Variants in AUH observed in about 807,000 individuals in gnomAD.
AUH encodes the protein AU RNA binding methylglutaconyl-CoA hydratase.
Under a neutral mutation model 42.3 loss-of-function variants are expected in AUH, and 29 were observed. The observed-to-expected ratio is 0.69, with a 90% confidence interval of 0.51 to 0.93. AUH has a LOEUF of 0.93. AUH is among the 40% of genes least tolerant of loss of function. The pLI, the probability that AUH is intolerant of heterozygous loss-of-function variation, is 0.00. For synonymous variants in AUH, 174 were observed against 166.4 expected (o/e 1.05, Z -0.35); for missense variants, 452 against 438.1 (o/e 1.03, Z -0.28).
intron 6 of AUH, among the ~76,000 whole-genome samples, chr9:91,251,940 TA>T (rs1435673503): frequency 2.0e-5 from 3 of 152,164 alleles, no homozygotes; most frequent in Non-Finnish European, 2.9e-5. Flanking sequence ...TCAACCTTTT[TA>T]TTTTTTTTAA....
chr9:91,248,874 GTTA>G (rs1828947689), intron 6 of AUH, among the ~76,000 whole-genome samples: 1 of 152,212 alleles, frequency 6.6e-6, no homozygotes, highest in South Asian at 2.1e-4. Flanking sequence ...AGGACTTACT[GTTA>G]TTATTAGCAG....
intron 6 of AUH, among the ~76,000 whole-genome samples, chr9:91,274,682 C>T (rs1825408020): frequency 1.3e-5 from 2 of 152,064 alleles, no homozygotes; most frequent in Admixed American, 6.6e-5. Context: ...TTAAATAAAT[C>T]TTTATGTAGG....
chr9:91,274,454 G>A (rs1474276049), intron 6 of AUH, among the ~76,000 whole-genome samples: 1 of 152,136 alleles, frequency 6.6e-6, no homozygotes, highest in Non-Finnish European at 1.5e-5. Flanking sequence ...CAATACCTAA[G>A]GATGTGTTCT....
chr9:91,353,109 C>T (rs973177885), intron 3 of AUH, among the ~76,000 whole-genome samples: 6 of 151,500 alleles, frequency 4.0e-5, no homozygotes, highest in African/African-American at 1.5e-4. Flanking sequence ...TTTTTTGAGC[C>T]GGAGTCTCAC....
intron 6 of AUH, among the ~76,000 whole-genome samples, chr9:91,229,117 TTC>T (rs1827709610): frequency 1.4e-5 from 2 of 147,596 alleles, no homozygotes; most frequent in South Asian, 2.2e-4. Flanking sequence ...CTTGTTGACT[TTC>T]TGTCTCGTTG....
chr9:91,348,717 A>C (rs912545764), intron 3 of AUH, among the ~76,000 whole-genome samples: 7 of 152,224 alleles, frequency 4.6e-5, no homozygotes, highest in Non-Finnish European at 1.0e-4. Flanking sequence ...TAGGAGCAGC[A>C]AGGAGATTAG....
chr9:91,327,674 G>T (rs553786115), intron 3 of AUH, among the ~76,000 whole-genome samples: 8 of 152,350 alleles, frequency 5.3e-5, no homozygotes, highest in African/African-American at 1.9e-4. Context: ...GGAATGAAAG[G>T]GCTGTGATGC....
intron 6 of AUH, among the ~76,000 whole-genome samples, chr9:91,269,655 C>T (rs1824953579): frequency 6.6e-6 from 1 of 152,134 alleles, no homozygotes; most frequent in Non-Finnish European, 1.5e-5. Context: ...AACCGTGTCA[C>T]TTTAAAATTA....
chr9:91,255,054 G>C (rs1226696542), intron 6 of AUH, among the ~76,000 whole-genome samples: 1 of 152,170 alleles, frequency 6.6e-6, no homozygotes, highest in Non-Finnish European at 1.5e-5. Context: ...TAAAGTGTAA[G>C]GTTAGATTTA....
At chr9:91,309,920 CT>C (rs1828570599) in intron 4 of AUH, among the ~76,000 whole-genome samples, 1 of 150,672 alleles carries the variant, frequency 6.6e-6, no homozygotes, top group African/African-American at 2.5e-5. Context: ...ATCATAATGC[CT>C]CACAGTCCTC....
rs142248895 is a variant in AUH at position 91,327,892 on chromosome 9, A to C, written c.419-2488T>G. ...GGGTGACACCACATTCCCCTTGTCT[A>C]GACACCGGTGCCTGACATGGAAGTC... On this transcript the variant is annotated intron_variant, in intron 3 of 9. Transcript: ENST00000375731. Among the ~76,000 whole-genome samples, 6 of 152,288 alleles carry C rather than the reference A, an allele frequency of 3.9e-5. No homozygotes were observed. The East Asian group carries it at 1.2e-3, about 29-fold the overall frequency.
chr9:91,360,457 G>A (rs1384348525), intron 1 of AUH: 1 of 152,184 alleles, frequency 6.6e-6, no homozygotes, highest in Non-Finnish European at 1.5e-5. Flanking sequence ...TAATAAGTAA[G>A]GAATAAAGTC....
intron 4 of AUH, among the ~76,000 whole-genome samples, chr9:91,318,513 T>C (rs1029989443): frequency 6.6e-6 from 1 of 152,238 alleles, no homozygotes; most frequent in Admixed American, 6.5e-5. Context: ...GCTCACACCA[T>C]GCTCACTTAT....
At chr9:91,310,434 G>A (rs1828614489) in intron 4 of AUH, among the ~76,000 whole-genome samples, 1 of 152,178 alleles carries the variant, frequency 6.6e-6, no homozygotes, top group African/African-American at 2.4e-5. Context: ...TACCTACCAT[G>A]TGCTCATTAC....
intron 3 of AUH, among the ~76,000 whole-genome samples, chr9:91,355,510 T>C (rs1396456793): frequency 6.7e-6 from 1 of 149,710 alleles, no homozygotes; most frequent in African/African-American, 2.5e-5. Context: ...TAAGCGAAGA[T>C]CACGCCACTG....
intron 1 of AUH, among the ~76,000 whole-genome samples, chr9:91,357,062 ACTT>A (rs1442976635): frequency 6.6e-6 from 1 of 152,244 alleles, no homozygotes; most frequent in African/African-American, 2.4e-5. Context: ...ATAAAGATGA[ACTT>A]CTGCTCACAA....
intron 9 of AUH, 80 bp from the exon 10 acceptor site, chr9:91,214,505 A>C (rs946452106): frequency 8.7e-7 from 1 of 1,150,918 alleles, no homozygotes; most frequent in African/African-American, 1.6e-5. Context: ...TAAGAAAACT[A>C]CTTAGAACCA....
intron 3 of AUH, among the ~76,000 whole-genome samples, chr9:91,348,962 T>C (rs747384150): frequency 2.0e-5 from 3 of 152,178 alleles, no homozygotes; most frequent in Non-Finnish European, 4.4e-5. Flanking sequence ...CAAAACCCTA[T>C]ATAGCTAAAC....
At chr9:91,303,895 A>T (rs531589573) in intron 4 of AUH, among the ~76,000 whole-genome samples, 1 of 152,190 alleles carries the variant, frequency 6.6e-6, no homozygotes, top group Non-Finnish European at 1.5e-5. Context: ...TCACAATAAC[A>T]AAACAAGCCC....
Sources: gnomAD v4.1 joint callset for allele counts (sites outside exome capture counted in the v4.1 genomes callset) on GRCh38, gnomAD v4.1.1 for gene constraint, MANE v1.5 for transcripts, NCBI Gene and HGNC (gene_info 2026-07-23, HGNC 2026-07-21) for gene names.